Variants in NCAM2 observed in about 807,000 individuals in gnomAD.
The protein encoded by NCAM2 is neural cell adhesion molecule 2, also known as N-CAM-2.
Under a neutral mutation model 98.1 loss-of-function variants are expected in NCAM2, and 30 were observed. The ratio of observed to expected loss-of-function variants is 0.31; its 90% CI spans 0.23 to 0.41. The LOEUF (loss-of-function observed/expected upper bound fraction) is 0.41, where lower values mean the gene tolerates loss of function less well. Among genes scored for constraint, NCAM2 ranks in the 10% least tolerant of loss-of-function variants. NCAM2 has a pLI of 1.00. For synonymous variants in NCAM2, 368 were observed against 342.4 expected (o/e 1.07, Z -0.83); for missense variants, 867 against 1,005.8 (o/e 0.86, Z 1.87).
At chr21:21,186,581 C>A (rs2068647131) in intron 1 of NCAM2, among the ~76,000 whole-genome samples, 1 of 152,024 alleles carries the variant, frequency 6.6e-6, no homozygotes, top group South Asian at 2.1e-4. Flanking sequence ...TACCTGTGAA[C>A]CTCAAGAAAT....
intron 16 of NCAM2, among the ~76,000 whole-genome samples, chr21:21,517,626 G>A (rs986178964): frequency 1.3e-5 from 2 of 152,136 alleles, no homozygotes; most frequent in African/African-American, 2.4e-5. Flanking sequence ...GGGAGGCCGA[G>A]GTGAGTGGAT....
At chr21:21,166,537 C>T (rs926015579) in intron 1 of NCAM2, among the ~76,000 whole-genome samples, 2 of 152,104 alleles carry the variant, frequency 1.3e-5, no homozygotes, top group Non-Finnish European at 2.9e-5. Context: ...TGATAAGTTT[C>T]CCAGAAGTTG....
At chr21:21,433,266 T>C (rs1249424045) in intron 12 of NCAM2, among the ~76,000 whole-genome samples, 2 of 152,164 alleles carry the variant, frequency 1.3e-5, no homozygotes, top group Non-Finnish European at 2.9e-5. Context: ...TTTATTTTAA[T>C]TATGAAATAC....
intron 12 of NCAM2, among the ~76,000 whole-genome samples, chr21:21,453,081 A>T (rs991379553): frequency 7.8e-6 from 1 of 128,592 alleles, no homozygotes; most frequent in Non-Finnish European, 1.6e-5. Flanking sequence ...AAATTATTAT[A>T]TATTTAATAT....
At chr21:21,220,013 G>A (rs986348557) in intron 1 of NCAM2, among the ~76,000 whole-genome samples, 3 of 152,036 alleles carry the variant, frequency 2.0e-5, no homozygotes, top group Non-Finnish European at 4.4e-5. Flanking sequence ...TTTATGTACA[G>A]CTGTACAATG....
At chr21:21,385,571 C>T (rs1446041860) in intron 9 of NCAM2, 1 of 1,159,070 alleles carries the variant, frequency 8.6e-7, no homozygotes, top group South Asian at 1.3e-5. Context: ...AAAATTAAGC[C>T]TTTTTTTGCT....
intron 1 of NCAM2, among the ~76,000 whole-genome samples, chr21:21,112,023 T>C (rs1468637364): frequency 3.9e-5 from 6 of 152,238 alleles, no homozygotes; most frequent in Non-Finnish European, 8.8e-5. Flanking sequence ...GTTGTTAACA[T>C]GTTGAATGTT....
At chr21:21,083,290 T>A (rs1201462925) in intron 1 of NCAM2, among the ~76,000 whole-genome samples, 1 of 152,230 alleles carries the variant, frequency 6.6e-6, no homozygotes, top group Non-Finnish European at 1.5e-5. Flanking sequence ...CTCCATTTTA[T>A]TATTACTTTG....
intron 1 of NCAM2, among the ~76,000 whole-genome samples, chr21:21,275,313 G>T (rs958151315): frequency 6.6e-6 from 1 of 151,734 alleles, no homozygotes; most frequent in African/African-American, 2.4e-5. Context: ...GGTGGCGGGT[G>T]CCTGTAGTCC....
intron 11 of NCAM2, among the ~76,000 whole-genome samples, chr21:21,429,298 T>C (rs746958054): frequency 3.3e-5 from 5 of 152,174 alleles, no homozygotes; most frequent in African/African-American, 7.2e-5. Context: ...GGGTGCACAG[T>C]TGGTGAATGG....
intron 7 of NCAM2, 89 bp from the exon 8 acceptor site, chr21:21,338,300 A>G (rs755253784): frequency 3.4e-5 from 41 of 1,206,366 alleles, no homozygotes; most frequent in Middle Eastern, 2.7e-4. Flanking sequence ...ATACTATACT[A>G]TAGTAGACTT....
chr21:21,227,069 A>G (rs1184552800), intron 1 of NCAM2, among the ~76,000 whole-genome samples: 2 of 152,040 alleles, frequency 1.3e-5, no homozygotes, highest in Non-Finnish European at 2.9e-5. Context: ...GTTAGTTTAC[A>G]TTATGTTTAA....
chr21:21,463,220 T>G (rs79402970), intron 12 of NCAM2, among the ~76,000 whole-genome samples: 1 of 152,098 alleles, frequency 6.6e-6, no homozygotes, highest in African/African-American at 2.4e-5. Flanking sequence ...AATGTATATA[T>G]CCTCTCATTT....
Position 21,477,447 on chromosome 21 carries a change from C to A in NCAM2, c.2053C>A (p.Pro685Thr). 6.2e-7 allele frequency: 1 copy of A among 1,600,304 alleles called. No homozygotes were observed. The highest frequency in any genetic ancestry group is 8.5e-7 in the Non-Finnish European group (1 of 1,171,652). Reference sequence around the variant, plus strand: ...ACCGACAGTTTATGAATTCAGCATGCCACCAAAGCCCAACATTATTAAAGG... The same window carrying A: ...ACCGACAGTTTATGAATTCAGCATGACACCAAAGCCCAACATTATTAAAGG... ...SEPTVYEFSMPPKPNIIKDTL... is the reference protein window; with the variant it reads ...SEPTVYEFSMTPKPNIIKDTL... The change falls in exon 15 of 18, where the codon CCA becomes ACA. Residue 685 changes from proline (P) to threonine (T), a missense_variant. Around this residue, in one of 5 missense-constraint regions of NCAM2, gnomAD observed 234 missense variants for 333.8 expected, o/e 0.70. Transcript: ENST00000400546.
rs532240316 is a variant in NCAM2 at position 21,496,316 on chromosome 21, G to A, written c.2078-12535G>A. On this transcript the variant is annotated intron_variant, in intron 15 of 17. Coordinates refer to ENST00000400546, the MANE Select transcript of NCAM2 (RefSeq NM_004540.5). ...CTTTTTAAAATGATTATTCTCATTG[G>A]TGCGAGATACTATCTCATTGTGGTT... Among the ~76,000 whole-genome samples, 796 of 152,024 alleles carry A rather than the reference G, an allele frequency of 5.2e-3. 7 individuals carry two copies. The highest frequency in any genetic ancestry group is 8.3e-3 in the Non-Finnish European group (562 of 67,938).
Position 21,338,503 on chromosome 21 carries a change from T to C in NCAM2, c.1013T>C (p.Val338Ala). Residue 338 changes from valine (V) to alanine (A), a missense_variant, in exon 8 of 18, where the codon GTG becomes GCG. Val to Ala is a moderately conservative substitution (Grantham distance 64). Coordinates refer to ENST00000400546, the MANE Select transcript of NCAM2 (RefSeq NM_004540.5). Reference sequence around the variant, plus strand: ...CCAGAAATCACTTGGAAAAGAGCTGTGGATGGCTTCACGTTCACTGAAGGC... The same window carrying C: ...CCAGAAATCACTTGGAAAAGAGCTGCGGATGGCTTCACGTTCACTGAAGGC... ...PIPEITWKRA[V>A]DGFTFTEGDK... is the part of the protein sequence containing the mutation. 2 of 1,612,460 alleles carry C rather than the reference T, an allele frequency of 1.2e-6. No homozygotes were observed. Among genetic ancestry groups the C allele is most frequent in the Non-Finnish European group, 1.7e-6 (2 of 1,179,248 alleles).
chr21:21,074,801 G>A (rs991811327), intron 1 of NCAM2, among the ~76,000 whole-genome samples: 3 of 150,396 alleles, frequency 2.0e-5, no homozygotes, highest in African/African-American at 7.4e-5. Context: ...ATCAATGCAG[G>A]GAAACTATGA....
At chr21:21,393,882 T>C (rs1369426365) in intron 9 of NCAM2, among the ~76,000 whole-genome samples, 6 of 152,182 alleles carry the variant, frequency 3.9e-5, no homozygotes, top group Non-Finnish European at 8.8e-5. Context: ...TTATGTATGA[T>C]TTGATGAAGG....
intron 1 of NCAM2, among the ~76,000 whole-genome samples, chr21:21,177,956 T>G (rs2068348344): frequency 6.6e-6 from 1 of 152,176 alleles, no homozygotes; most frequent in South Asian, 2.1e-4. Flanking sequence ...ATATTTTGTT[T>G]GATAATGTCT....
Sources: gnomAD v4.1 joint callset for allele counts (sites outside exome capture counted in the v4.1 genomes callset) on GRCh38, gnomAD v4.1.1 for gene constraint, gnomAD v4.1.1 regional missense constraint, MANE v1.5 for transcripts, NCBI Gene and HGNC (gene_info 2026-07-23, HGNC 2026-07-21) for gene names.